Variants in TUBA3C observed in about 807,000 individuals in gnomAD.
TUBA3C encodes tubulin alpha-3C chain.
In TUBA3C, 23 loss-of-function variants were observed where a neutral mutation model predicts 33.4. That is an observed-to-expected ratio of 0.69 (90% CI 0.50 to 0.98). TUBA3C has a LOEUF of 0.98. Among genes scored for constraint, TUBA3C ranks in the 50% least tolerant of loss-of-function variants. The pLI is 0.00. For missense variants in TUBA3C, 402 were observed against 616.0 expected (o/e 0.65, Z 3.68); for synonymous variants, 269 against 250.4 (o/e 1.07, Z -0.70).
At chr13:19,176,502 C>A (rs1869182253) in intron 4 of TUBA3C, among the ~76,000 whole-genome samples, 1 of 151,904 alleles carries the variant, frequency 6.6e-6, no homozygotes, top group Non-Finnish European at 1.5e-5. Flanking sequence ...GCCTCTAACC[C>A]CAGCACTTTG....
Position 19,181,732 on chromosome 13 carries a change from G to C in TUBA3C, c.3+13C>G, listed in dbSNP as rs373123701. 2 of 1,602,016 alleles carry C rather than the reference G, an allele frequency of 1.2e-6. No individual in the cohort carries two copies. Among genetic ancestry groups the C allele is most frequent in the African/African-American group, 1.3e-5 (1 of 74,908 alleles). ...GCCTGGGCGTCTGCGGGGTGGGAGT[G>C]ACCTGGCCTTACCATGTTGAGCTCC... is the stretch of plus-strand genomic sequence containing the variant. On this transcript the variant is annotated intron_variant, in intron 1 of 4. Transcript: ENST00000400113.
chr13:19,174,233 A>G, intron 4 of TUBA3C, 74 bp from the exon 5 acceptor site: 2 of 1,527,078 alleles, frequency 1.3e-6, no homozygotes, highest in Non-Finnish European at 1.8e-6. Context: ...TTTCCTCAAA[A>G]AGAAGACACC....
rs962584103 is a variant in TUBA3C, at chr13:19,177,343, G to T, written c.640C>A (p.Arg214=). 6.2e-7 allele frequency: 1 copy of T among 1,614,128 alleles called. No individual in the cohort carries two copies. Among genetic ancestry groups the T allele is most frequent in the Non-Finnish European group, 8.5e-7 (1 of 1,180,026 alleles). The change falls in exon 4 of 5, where the codon CGG becomes AGG. Residue 214 remains arginine, a synonymous_variant. Coordinates refer to ENST00000400113, the MANE Select transcript of TUBA3C (RefSeq NM_006001.3). The surrounding 1 kb of genome is among the most constrained non-coding windows in gnomAD (Gnocchi z 5.0). Reference sequence around the variant, plus strand: ...GGACGCTCGATGTCCAGGTTGCGCCGACATATGTCATAGATGGCTTCATTG... The same window carrying T: ...GGACGCTCGATGTCCAGGTTGCGCCTACATATGTCATAGATGGCTTCATTG... ...VDNEAIYDIC[R]RNLDIERPTY...
At chr13:19,174,519 G>C (rs1322169837) in intron 4 of TUBA3C, among the ~76,000 whole-genome samples, 1 of 152,010 alleles carries the variant, frequency 6.6e-6, no homozygotes, top group East Asian at 1.9e-4. Flanking sequence ...GGAAAAGGTA[G>C]GTTGAACTTA....
In TUBA3C at chr13:19,174,010, C is replaced by T. The variant is rs1593259589; in HGVS notation, c.1206G>A (p.Arg402=). The T allele has an allele frequency of 6.2e-7, 1 of 1,613,058 alleles. No homozygotes were observed. Among genetic ancestry groups the T allele is most frequent in the Non-Finnish European group, 8.5e-7 (1 of 1,179,828 alleles). ...CTCCCACGTACCAGTGCACAAAGGC[C>T]CGCTTGGCATACATGAGATCGAACT... The part of the protein sequence containing the change: ...DHKFDLMYAK[R]AFVHWYVGEG... Residue 402 remains arginine, a synonymous_variant, in exon 5 of 5, where the codon CGG becomes CGA. Coordinates refer to ENST00000400113, the MANE Select transcript of TUBA3C (RefSeq NM_006001.3).
At chr13:19,179,091 G>A (rs17194726) in intron 2 of TUBA3C, among the ~76,000 whole-genome samples, 6,643 of 152,286 alleles carry the variant, frequency 0.044, 186 homozygotes, top group Middle Eastern at 0.085. Flanking sequence ...CAGCCACGAC[G>A]GAATCTCTCC....
At chr13:19,176,850 G>T in intron 4 of TUBA3C, 77 bp downstream of exon 4, 1 of 1,539,476 alleles carries the variant, frequency 6.5e-7, no homozygotes, top group Non-Finnish European at 8.8e-7. Context: ...AAAGGATGTG[G>T]GCCTTCAGGG....
intron 4 of TUBA3C, 71 bp downstream of exon 4, chr13:19,176,856 C>T (rs1869202868): frequency 6.5e-7 from 1 of 1,526,824 alleles, no homozygotes; most frequent in South Asian, 1.2e-5. Context: ...TGTGGGCCTT[C>T]AGGGGCAGCA....
chr13:19,175,787 A>G (rs1869157672), intron 4 of TUBA3C, among the ~76,000 whole-genome samples: 1 of 152,030 alleles, frequency 6.6e-6, no homozygotes, highest in African/African-American at 2.4e-5. Flanking sequence ...GCTGTCACCC[A>G]GGCTGGAGTG....
In TUBA3C at chr13:19,174,088, G is replaced by A; in HGVS notation, c.1128C>T (p.Cys376=). The A allele has an allele frequency of 1.9e-6, 3 of 1,613,878 alleles. No individual in the cohort carries two copies. The highest frequency in any genetic ancestry group is 2.5e-6 in the Non-Finnish European group (3 of 1,180,002). ...CGATGGCCGTGGTGTTGCTCAGCAT[G>A]CACACAGCCCGCTGCACCTTGGCCA... ...GDLAKVQRAV[C]MLSNTTAIAE... is the part of the protein sequence containing the mutation. The change falls in exon 5 of 5, where the codon TGC becomes TGT. Residue 376 remains cysteine (C), a synonymous_variant. Coordinates refer to ENST00000400113, the MANE Select transcript of TUBA3C (RefSeq NM_006001.3).
At chr13:19,175,296 T>A (rs905647609) in intron 4 of TUBA3C, among the ~76,000 whole-genome samples, 2 of 152,164 alleles carry the variant, frequency 1.3e-5, no homozygotes, top group Admixed American at 6.5e-5. Flanking sequence ...GCAACGTCTT[T>A]ATTTCTTTTC....
At position 19,177,865 on chromosome 13, in the gene TUBA3C, T is replaced by C. The variant is rs1412624929; in HGVS notation, c.376-258A>G. Reference sequence around the variant, plus strand: ...TAAGTTGTTTTTTTTTTTTTTTTTTTAGATAGAATCTCACTCTGTTGCCCA... The same window carrying C: ...TAAGTTGTTTTTTTTTTTTTTTTTTCAGATAGAATCTCACTCTGTTGCCCA... On this transcript the variant is annotated intron_variant, in intron 3 of 4. Transcript: ENST00000400113. This position sits in a 1 kb window ranked among gnomAD's most constrained non-coding sequence, Gnocchi z 5.0. 2.2e-5 allele frequency among the ~76,000 whole-genome samples: 3 copies of C among 135,762 alleles called. No individual in the cohort carries two copies. The highest frequency in any genetic ancestry group is 5.2e-5 in the African/African-American group (2 of 38,276). The allele number at this position is 135,762 out of a possible 152,430, so 89.1% of individuals were successfully genotyped here.
In TUBA3C at chr13:19,174,154, G is replaced by T; in HGVS notation, c.1062C>A (p.Gly354=). 1.2e-6 allele frequency: 2 copies of T among 1,610,144 alleles called. No homozygotes were observed. The highest frequency in any genetic ancestry group is 1.7e-6 in the Non-Finnish European group (2 of 1,177,394). The part of the protein sequence containing the change: ...VDWCPTGFKV[G]INYQPPTVVP... ...CCACCGTGGGGGGCTGGTAGTTAAT[G>T]CCCACCTGCCGGAGAAGAGGAAGAA... Residue 354 remains glycine (G), a synonymous_variant, in exon 5 of 5, where the codon GGC becomes GGA. Coordinates refer to ENST00000400113, the MANE Select transcript of TUBA3C (RefSeq NM_006001.3).
intron 1 of TUBA3C, among the ~76,000 whole-genome samples, chr13:19,181,016 G>A (rs955997692): frequency 1.3e-5 from 2 of 149,662 alleles, no homozygotes; most frequent in Admixed American, 6.6e-5. Flanking sequence ...ATTCAGACTT[G>A]GGACTTAGAA....
At position 19,173,781 on chromosome 13, in the gene TUBA3C, T is replaced by C; in HGVS notation, c.*82A>G. Reference sequence around the variant, plus strand: ...ACGATACACAGAGGTCTTGGTTTTATACAGAACCTTTAATTGCAAAGAACT... The same window carrying C: ...ACGATACACAGAGGTCTTGGTTTTACACAGAACCTTTAATTGCAAAGAACT... On this transcript the variant is annotated 3_prime_UTR_variant, in exon 5 of 5. Transcript: ENST00000400113. 2 of 1,548,996 alleles carry C rather than the reference T, an allele frequency of 1.3e-6. No individual in the cohort carries two copies. The highest frequency in any genetic ancestry group is 2.5e-5 in the South Asian group (2 of 79,482).
intron 2 of TUBA3C, 71 bp downstream of exon 2, chr13:19,179,270 C>G: frequency 6.3e-7 from 1 of 1,590,880 alleles, no homozygotes; most frequent in Non-Finnish European, 8.6e-7. Flanking sequence ...CAAAGGAGCC[C>G]ACATGGGGCC....
At position 19,176,994 on chromosome 13, in the gene TUBA3C, G is replaced by C. The variant is rs113780307; in HGVS notation, c.989C>G (p.Ala330Gly). The C allele has an allele frequency of 6.2e-7, 1 of 1,614,022 alleles. No homozygotes were observed. The highest frequency in any genetic ancestry group is 8.5e-7 in the Non-Finnish European group (1 of 1,180,008). The change falls in exon 4 of 5, where the codon GCG becomes GGG. Residue 330 changes from alanine to glycine, a missense_variant. Ala to Gly is a moderately conservative substitution (Grantham distance 60, BLOSUM62 0). Transcript: ENST00000400113. ...RGDVVPKDVN[A>G]AIATIKTKRT... ...CTTGGTCTTGATGGTGGCGATGGCC[G>C]CGTTGACATCTTTCGGGACCACATC...
intron 1 of TUBA3C, among the ~76,000 whole-genome samples, chr13:19,181,265 A>G (rs1007397719): frequency 3.9e-5 from 6 of 151,996 alleles, no homozygotes; most frequent in African/African-American, 1.4e-4. Context: ...TGGCCAGGCT[A>G]GTGAGGAGCC....
chr13:19,177,687 G>T lies in TUBA3C; in HGVS notation c.376-80C>A. On this transcript the variant is annotated intron_variant, in intron 3 of 4. Transcript: ENST00000400113. This position sits in a 1 kb window ranked among gnomAD's most constrained non-coding sequence, Gnocchi z 5.0. ...TCCACCAAGCCAGGGCCACTTCTCT[G>T]CCTCTGAAGACTTGATATGGATTCC... The T allele has an allele frequency of 6.7e-7, 1 of 1,492,440 alleles. No homozygotes were observed. 92.4% of individuals were successfully genotyped at this position (1,492,440 alleles called of 1,614,324 possible). A position where few individuals can be genotyped will look rare whatever the true frequency, so the allele number is the denominator to read the frequency against.
Sources: gnomAD v4.1 joint callset for allele counts (sites outside exome capture counted in the v4.1 genomes callset) on GRCh38, gnomAD v4.1.1 for gene constraint, Gnocchi (gnomAD v3.1) non-coding constraint, MANE v1.5 for transcripts, NCBI Gene and HGNC (gene_info 2026-07-23, HGNC 2026-07-21) for gene names.